The following GREB1L variants were observed in gnomAD, a reference collection of about 807,000 sequenced individuals.
GREB1L encodes GREB1 like retinoic acid receptor coactivator.
In GREB1L, 17 loss-of-function variants were observed where a neutral mutation model predicts 200.8. The observed-to-expected ratio is 0.08, with a 90% CI of 0.06 to 0.13. The LOEUF is 0.13. GREB1L is among the 10% of genes least tolerant of loss of function. GREB1L has a pLI of 1.00. For missense variants in GREB1L, 1,657 were observed against 2,367.7 expected (o/e 0.70, Z 6.23); for synonymous variants, 789 against 893.0 (o/e 0.88, Z 2.08).
At chr18:21,461,541 C>T (rs1345161124) in intron 15 of GREB1L, among the ~76,000 whole-genome samples, 1 of 152,138 alleles carries the variant, frequency 6.6e-6, no homozygotes, top group Non-Finnish European at 1.5e-5. Context: ...CTTTTCGGTC[C>T]TTATTTGAGC....
intron 23 of GREB1L, among the ~76,000 whole-genome samples, chr18:21,503,940 T>C (rs1242027902): frequency 6.7e-6 from 1 of 150,266 alleles, no homozygotes; most frequent in Non-Finnish European, 1.5e-5. Context: ...CACTTTATTT[T>C]ATTTATTTAT....
intron 1 of GREB1L, among the ~76,000 whole-genome samples, chr18:21,342,063 G>A (rs1340120216): frequency 6.6e-6 from 1 of 152,038 alleles, no homozygotes; most frequent in Non-Finnish European, 1.5e-5. Flanking sequence ...TGGCTTTAGG[G>A]TTTTAGGATT....
At chr18:21,437,504 G>T (rs1463873426) in intron 7 of GREB1L, among the ~76,000 whole-genome samples, 1 of 151,996 alleles carries the variant, frequency 6.6e-6, no homozygotes, top group Non-Finnish European at 1.5e-5. Context: ...ATCATAAGAA[G>T]AGAGAAAACT....
chr18:21,515,692 C>A, intron 29 of GREB1L, 48 bp downstream of exon 29: 1 of 1,332,786 alleles, frequency 7.5e-7, no homozygotes, highest in South Asian at 1.3e-5. Context: ...CTACTGATTG[C>A]TTCTGCCCAG....
At chr18:21,258,960 A>T (rs1310845845) in intron 1 of GREB1L, among the ~76,000 whole-genome samples, 1 of 152,208 alleles carries the variant, frequency 6.6e-6, no homozygotes, top group Non-Finnish European at 1.5e-5. Context: ...GTTTTGAAAA[A>T]TGTGACATTT....
chr18:21,254,901 C>T (rs2037777486), intron 1 of GREB1L, among the ~76,000 whole-genome samples: 1 of 152,138 alleles, frequency 6.6e-6, no homozygotes, highest in South Asian at 2.1e-4. Context: ...TGTCCCAAAT[C>T]TTAGTGAGAC....
intron 15 of GREB1L, among the ~76,000 whole-genome samples, chr18:21,458,279 G>GT (rs992848762): frequency 2.6e-5 from 4 of 152,056 alleles, no homozygotes; most frequent in Non-Finnish European, 4.4e-5. Flanking sequence ...CCCAAGGACA[G>GT]TTTTTTTATT....
chr18:21,371,466 A>ATT (rs5823304), intron 2 of GREB1L, among the ~76,000 whole-genome samples: 13 of 140,970 alleles, frequency 9.2e-5, no homozygotes, highest in Admixed American at 1.4e-4. Context: ...CAATGATACA[A>ATT]TTTTTTTTTT....
chr18:21,445,406 G>A (rs1243131037), intron 11 of GREB1L, among the ~76,000 whole-genome samples: 4 of 152,102 alleles, frequency 2.6e-5, no homozygotes, highest in African/African-American at 4.8e-5. Flanking sequence ...CCCGGGAGGC[G>A]GAGGTTGCAG....
chr18:21,274,376 GTATATATA>G (rs149804804), intron 1 of GREB1L, among the ~76,000 whole-genome samples: 1 of 150,744 alleles, frequency 6.6e-6, no homozygotes, highest in Non-Finnish European at 1.5e-5. Context: ...CAAATACCAA[GTATATATA>G]TATATACACA....
chr18:21,419,347 C>A (rs4800663), intron 7 of GREB1L, among the ~76,000 whole-genome samples: 49,495 of 152,120 alleles, frequency 0.33, 11,125 homozygotes, highest in African/African-American at 0.6. Flanking sequence ...GCTACTAGCA[C>A]CAATAAGTGA....
intron 1 of GREB1L, among the ~76,000 whole-genome samples, chr18:21,307,433 C>T (rs568273809): frequency 2.0e-5 from 3 of 152,244 alleles, no homozygotes; most frequent in Admixed American, 6.5e-5. Flanking sequence ...GGATGATATC[C>T]TGTTTTTAAA....
chr18:21,520,891 A>AG, intron 32 of GREB1L, 68 bp downstream of exon 32: 1 of 1,400,384 alleles, frequency 7.1e-7, no homozygotes, highest in Non-Finnish European at 9.5e-7. Context: ...CAGAAGATAA[A>AG]GATATTTTTA....
At chr18:21,463,432 A>C (rs1169358413) in intron 15 of GREB1L, among the ~76,000 whole-genome samples, 4 of 152,178 alleles carry the variant, frequency 2.6e-5, no homozygotes, top group Non-Finnish European at 5.9e-5. Flanking sequence ...GGCGTGAGCC[A>C]CCGCACCCGG....
chr18:21,453,341 G>C (rs1464339695), intron 14 of GREB1L, among the ~76,000 whole-genome samples: 3 of 152,206 alleles, frequency 2.0e-5, no homozygotes, highest in Admixed American at 6.5e-5. Context: ...TCCACTTGCT[G>C]TCAGTATCCA....
At chr18:21,310,416 G>T (rs985181187) in intron 1 of GREB1L, among the ~76,000 whole-genome samples, 9 of 152,172 alleles carry the variant, frequency 5.9e-5, no homozygotes, top group African/African-American at 2.2e-4. Flanking sequence ...TCTAAAAGAA[G>T]AAATGTAATG....
intron 7 of GREB1L, among the ~76,000 whole-genome samples, chr18:21,434,344 C>T (rs367893514): frequency 5.9e-5 from 9 of 151,768 alleles, no homozygotes; most frequent in East Asian, 3.9e-4. Flanking sequence ...GGCGTGGTGG[C>T]GTGCACCTGT....
At chr18:21,407,000 G>A (rs1313882631) in intron 7 of GREB1L, among the ~76,000 whole-genome samples, 14 of 150,864 alleles carry the variant, frequency 9.3e-5, no homozygotes, top group Admixed American at 1.3e-4. Flanking sequence ...CTAGCCTTCC[G>A]AGTAGCTGGG....
chr18:21,520,570 C>T (rs2037573949), intron 31 of GREB1L, 118 bp from the exon 32 acceptor site: 2 of 1,145,886 alleles, frequency 1.7e-6, no homozygotes, highest in South Asian at 1.5e-5. Flanking sequence ...GGAAAAAACT[C>T]ATCTCCTTTA....
Sources: allele counts gnomAD v4.1 joint callset (sites outside exome capture counted in the v4.1 genomes callset), GRCh38; gene constraint gnomAD v4.1.1; transcripts MANE v1.5; gene names NCBI Gene and HGNC (gene_info 2026-07-23, HGNC 2026-07-21).